Variants in SLC35F1 observed in about 807,000 individuals in gnomAD.
SLC35F1 encodes chromosome 6 open reading frame 169.
In SLC35F1, 14 loss-of-function variants were observed where a neutral mutation model predicts 48.7. The observed-to-expected ratio is 0.29, with a 90% confidence interval of 0.19 to 0.45. SLC35F1 has a LOEUF of 0.45. SLC35F1 is among the 20% of genes least tolerant of loss of function. The pLI is 1.00. For synonymous variants in SLC35F1, 190 were observed against 202.2 expected (o/e 0.94, Z 0.51); for missense variants, 404 against 500.0 (o/e 0.81, Z 1.83).
chr6:118,259,041 T>C (rs1775680352), intron 3 of SLC35F1, among the ~76,000 whole-genome samples: 1 of 151,698 alleles, frequency 6.6e-6, no homozygotes, highest in Admixed American at 6.6e-5. Context: ...TTTAAAGCTA[T>C]AAAAAATTTT....
intron 1 of SLC35F1, among the ~76,000 whole-genome samples, chr6:117,927,041 G>C (rs1475847661): frequency 2.0e-5 from 3 of 152,124 alleles, no homozygotes; most frequent in African/African-American, 7.2e-5. Context: ...CCAACCTCGT[G>C]ACCTCAGACA....
intron 2 of SLC35F1, among the ~76,000 whole-genome samples, chr6:118,214,917 T>G (rs1775052430): frequency 6.6e-6 from 1 of 152,210 alleles, no homozygotes; most frequent in Non-Finnish European, 1.5e-5. Flanking sequence ...TCTTTTGTTT[T>G]TGCTCCCTTT....
intron 7 of SLC35F1, among the ~76,000 whole-genome samples, chr6:118,309,958 A>T (rs1267906608): frequency 6.6e-6 from 1 of 152,216 alleles, no homozygotes; most frequent in Non-Finnish European, 1.5e-5. Flanking sequence ...ATGTGCAGTG[A>T]GTGCCTTCTG....
chr6:118,211,823 T>A (rs1775004140), intron 2 of SLC35F1, among the ~76,000 whole-genome samples: 1 of 152,234 alleles, frequency 6.6e-6, no homozygotes, highest in Non-Finnish European at 1.5e-5. Flanking sequence ...GTTGATGCAT[T>A]ACCTAAATAA....
chr6:118,021,629 A>C (rs899451574), intron 1 of SLC35F1, among the ~76,000 whole-genome samples: 2 of 152,198 alleles, frequency 1.3e-5, no homozygotes, highest in Admixed American at 1.3e-4. Context: ...CACAGAGATC[A>C]TGCCTCCATT....
chr6:118,310,829 C>T (rs1219525284), intron 7 of SLC35F1, among the ~76,000 whole-genome samples: 1 of 152,168 alleles, frequency 6.6e-6, no homozygotes, highest in Non-Finnish European at 1.5e-5. Flanking sequence ...AGGAATTTCT[C>T]GCTCAACCTG....
chr6:118,169,762 A>T (rs1400761798), intron 2 of SLC35F1, among the ~76,000 whole-genome samples: 1 of 151,534 alleles, frequency 6.6e-6, no homozygotes, highest in East Asian at 1.9e-4. Flanking sequence ...ATCAGGATTT[A>T]AAAAAAAACA....
intron 2 of SLC35F1, among the ~76,000 whole-genome samples, chr6:118,229,486 C>A (rs901906963): frequency 6.6e-6 from 1 of 152,100 alleles, no homozygotes; most frequent in Non-Finnish European, 1.5e-5. Flanking sequence ...GAGTTTGGAT[C>A]AGTAGGTCAG....
intron 2 of SLC35F1, among the ~76,000 whole-genome samples, chr6:118,157,347 G>C (rs114494800): frequency 0.013 from 2,013 of 152,240 alleles, 39 homozygotes; most frequent in African/African-American, 0.045. Flanking sequence ...AGCCCTCAGT[G>C]TAAGATGTAG....
chr6:118,063,141 A>G (rs954061740), intron 1 of SLC35F1, among the ~76,000 whole-genome samples: 36 of 152,154 alleles, frequency 2.4e-4, no homozygotes, highest in South Asian at 4.1e-4. Flanking sequence ...GCATAGATTT[A>G]CTGGTTTATC....
chr6:118,252,789 G>A (rs1050021166), intron 3 of SLC35F1, among the ~76,000 whole-genome samples: 1 of 152,168 alleles, frequency 6.6e-6, no homozygotes, highest in Non-Finnish European at 1.5e-5. Flanking sequence ...TGTGGTAGAG[G>A]AGAACAAGGA....
chr6:118,272,578 T>G (rs985019195), intron 4 of SLC35F1, among the ~76,000 whole-genome samples: 13 of 151,990 alleles, frequency 8.6e-5, no homozygotes, highest in Middle Eastern at 3.4e-3. Context: ...GTTAACTAGA[T>G]ACAAATTTTT....
intron 1 of SLC35F1, among the ~76,000 whole-genome samples, chr6:117,959,094 C>T (rs1582585932): frequency 6.6e-6 from 1 of 152,248 alleles, no homozygotes; most frequent in Non-Finnish European, 1.5e-5. Flanking sequence ...TTAAACTCTC[C>T]CTGCATCAAT....
intron 3 of SLC35F1, among the ~76,000 whole-genome samples, chr6:118,239,372 G>T (rs1775407038): frequency 6.6e-6 from 1 of 151,660 alleles, no homozygotes; most frequent in South Asian, 2.1e-4. Context: ...GGTAGGATGG[G>T]GAAAGGGAGG....
At chr6:117,922,743 C>T (rs1161484606) in intron 1 of SLC35F1, among the ~76,000 whole-genome samples, 1 of 152,174 alleles carries the variant, frequency 6.6e-6, no homozygotes, top group Non-Finnish European at 1.5e-5. Flanking sequence ...TGCCCTGTCA[C>T]TGGACTTTCA....
Position 117,955,058 on chromosome 6 carries a change from C to T in SLC35F1, c.173+47159C>T, listed in dbSNP as rs568212287. Among the ~76,000 whole-genome samples the T allele has an allele frequency of 2.0e-5, 3 of 152,238 alleles. No individual in the cohort carries two copies. In the South Asian group the frequency reaches 6.2e-4, roughly 32 times the overall value. ...TATTCCAAGTACCTGGGAGCTAATACTTCATTTAAAAATGTACCATGGGTA... is the reference window on the plus strand; with the variant it reads ...TATTCCAAGTACCTGGGAGCTAATATTTCATTTAAAAATGTACCATGGGTA... On this transcript the variant is annotated intron_variant, in intron 1 of 7. Coordinates refer to ENST00000360388, the MANE Select transcript of SLC35F1 (RefSeq NM_001029858.4).
chr6:118,224,958 T>C (rs1242913043), intron 2 of SLC35F1, among the ~76,000 whole-genome samples: 10 of 152,126 alleles, frequency 6.6e-5, no homozygotes, highest in Non-Finnish European at 1.5e-4. Context: ...GAAAAAGTGG[T>C]AAAAGTGAGC....
chr6:118,019,323 G>A (rs912825347), intron 1 of SLC35F1, among the ~76,000 whole-genome samples: 7 of 152,046 alleles, frequency 4.6e-5, no homozygotes, highest in African/African-American at 1.7e-4. Context: ...TGTTTATGGT[G>A]TGGCCATTTG....
At chr6:118,108,842 A>T (rs184734250) in intron 1 of SLC35F1, among the ~76,000 whole-genome samples, 1 of 152,270 alleles carries the variant, frequency 6.6e-6, no homozygotes, top group Non-Finnish European at 1.5e-5. Flanking sequence ...TTTTATGGGT[A>T]TGTTATTTTC....
Sources: gnomAD v4.1 joint callset for allele counts (sites outside exome capture counted in the v4.1 genomes callset) on GRCh38, gnomAD v4.1.1 for gene constraint, MANE v1.5 for transcripts, NCBI Gene and HGNC (gene_info 2026-07-23, HGNC 2026-07-21) for gene names.